Variants in RYR1 observed in about 807,000 individuals in gnomAD.
RYR1 encodes central core disease of muscle.
Under a neutral mutation model 583.5 loss-of-function variants are expected in RYR1, and 342 were observed. The observed-to-expected ratio is 0.59, with a 90% CI of 0.54 to 0.64. The LOEUF is 0.64. RYR1 is among the 30% of genes least tolerant of loss of function. The pLI is 0.00. For synonymous variants in RYR1, 2,791 were observed against 2,822.5 expected, an observed-to-expected ratio of 0.99 and a Z score of 0.35; for missense variants, 6,032 against 6,917.2, an observed-to-expected ratio of 0.87 and a Z score of 4.54.
In RYR1 at chr19:38,464,663, C is replaced by T. The variant is rs749702969; in HGVS notation, c.2811C>T (p.His937=). The change falls in exon 23 of 106, where the codon CAC becomes CAT. Residue 937 remains histidine, a synonymous_variant. Coordinates refer to ENST00000359596, the MANE Select transcript of RYR1 (RefSeq NM_000540.3). The part of the protein sequence containing the change: ...TLKTLLALGC[H]VGMADEKAED... ...GGACTCTGCTGGCTCTGGGCTGCCACGTGGGCATGGCGGATGAGAAGGCGG... is the reference window on the plus strand; with the variant it reads ...GGACTCTGCTGGCTCTGGGCTGCCATGTGGGCATGGCGGATGAGAAGGCGG... 1.2e-5 allele frequency: 19 copies of T among 1,592,196 alleles called. 1 individual carries two copies. The South Asian group carries it at 1.6e-4, about 13-fold the overall frequency.
At chr19:38,529,326 A>G (rs540376808) in intron 76 of RYR1, among the ~76,000 whole-genome samples, 1 of 152,312 alleles carries the variant, frequency 6.6e-6, no homozygotes, top group South Asian at 2.1e-4. Context: ...ACAAAAATAC[A>G]ATAAATAGCC....
In RYR1 at chr19:38,514,899, A is replaced by G. The variant is rs114618055; in HGVS notation, c.9473-127A>G. 885 of 710,940 alleles carry G rather than the reference A, an allele frequency of 1.2e-3. 9 individuals are homozygous for G. In the African/African-American group the frequency reaches 0.013, roughly 11 times the overall value. The allele number at this position is 710,940 out of a possible 1,614,324, so 44.0% of individuals were successfully genotyped here. Reference sequence around the variant, plus strand: ...CTTGCTCAAGTCACAAGACTCGTACATGGAAGGCTGGCTGTACATCTGCTT... The same window carrying G: ...CTTGCTCAAGTCACAAGACTCGTACGTGGAAGGCTGGCTGTACATCTGCTT... On this transcript the variant is annotated intron_variant, in intron 63 of 105. Transcript: ENST00000359596.
chr19:38,520,071 C>CT (rs571307849), intron 67 of RYR1, among the ~76,000 whole-genome samples: 4,581 of 112,216 alleles, frequency 0.041, 286 homozygotes, highest in African/African-American at 0.12. Flanking sequence ...GAATAGTTTG[C>CT]TTTTTTTTTT....
chr19:38,580,316 G>A, intron 100 of RYR1, 54 bp from the exon 101 acceptor site: 12 of 1,584,614 alleles, frequency 7.6e-6, no homozygotes, highest in Non-Finnish European at 9.5e-6. Context: ...CATGGGCAGG[G>A]TGGGGGGAGG....
At chr19:38,517,296 G>A in intron 65 of RYR1, 63 bp from the exon 66 acceptor site, 1 of 1,542,338 alleles carries the variant, frequency 6.5e-7, no homozygotes, top group Non-Finnish European at 8.8e-7. Flanking sequence ...TGCGGGGGAG[G>A]CCAGGGCACT....
In RYR1 at chr19:38,502,689, G is replaced by A. The variant is rs151309597; in HGVS notation, c.7797G>A (p.Gln2599=). Residue 2599 remains glutamine (Q), a synonymous_variant, in exon 48 of 106, where the codon CAG becomes CAA. Coordinates refer to ENST00000359596, the MANE Select transcript of RYR1 (RefSeq NM_000540.3). ...GGGGTCGTTCGCTCACCAAGGCGCAGCGTGACGTCATCGAGGACTGCCTCA... is the reference window on the plus strand; with the variant it reads ...GGGGTCGTTCGCTCACCAAGGCGCAACGTGACGTCATCGAGGACTGCCTCA... The part of the protein sequence containing the change: ...LSRGRSLTKA[Q]RDVIEDCLMS... 1.3e-4 allele frequency: 208 copies of A among 1,608,114 alleles called. No individual in the cohort carries two copies. The highest frequency in any genetic ancestry group is 1.6e-4 in the Middle Eastern group (1 of 6,078).
Position 38,580,516 on chromosome 19 carries a change from C to T in RYR1, c.14646+12C>T, listed in dbSNP as rs771719180. 2 of 1,613,988 alleles carry T rather than the reference C, an allele frequency of 1.2e-6. No individual in the cohort carries two copies. Among genetic ancestry groups the T allele is most frequent in the African/African-American group, 1.3e-5 (1 of 75,008 alleles). On this transcript the variant is annotated intron_variant, in intron 101 of 105. Transcript: ENST00000359596. ...ATGACATGATGACGGTGAGCCCCTC[C>T]CCTAGCACTCTGGGACCCTTCCTTC...
At chr19:38,449,868 C>T (rs1966987645) in intron 11 of RYR1, among the ~76,000 whole-genome samples, 1 of 152,056 alleles carries the variant, frequency 6.6e-6, no homozygotes, top group African/African-American at 2.4e-5. Context: ...GCCTTGTGGG[C>T]CATGGGAGAG....
intron 89 of RYR1, among the ~76,000 whole-genome samples, chr19:38,557,808 A>T (rs1436569962): frequency 6.6e-6 from 1 of 151,300 alleles, no homozygotes; most frequent in East Asian, 1.9e-4. Flanking sequence ...CTGTCTCAAA[A>T]AAAAGAAATA....
At chr19:38,547,533 C>A (rs1346979318) in intron 88 of RYR1, among the ~76,000 whole-genome samples, 1 of 151,916 alleles carries the variant, frequency 6.6e-6, no homozygotes, top group Non-Finnish European at 1.5e-5. Context: ...GTTGTGTAAG[C>A]CCTGAGGTCA....
intron 57 of RYR1, 21 bp from the exon 58 acceptor site, chr19:38,507,691 T>C: frequency 6.8e-7 from 1 of 1,479,706 alleles, no homozygotes; most frequent in Non-Finnish European, 9.5e-7. Flanking sequence ...GGCTGATCCT[T>C]CTCTCCACAT....
intron 37 of RYR1, 54 bp downstream of exon 37, chr19:38,490,786 C>T (rs1158046406): frequency 8.6e-7 from 1 of 1,169,078 alleles, no homozygotes; most frequent in East Asian, 2.3e-5. Flanking sequence ...CTCGAGACCT[C>T]TCCAGAAGTT....
intron 94 of RYR1, 40 bp downstream of exon 94, chr19:38,570,733 C>A (rs760171403): frequency 1.3e-6 from 2 of 1,512,948 alleles, no homozygotes; most frequent in Non-Finnish European, 1.8e-6. Context: ...GGCCCTTTTC[C>A]ATGCTGTGGG....
Position 38,502,741 on chromosome 19 carries a change from G to C in RYR1, c.7835+14G>C, listed in dbSNP as rs752999387. 3.2e-6 allele frequency: 5 copies of C among 1,579,424 alleles called. No individual in the cohort carries two copies. Among genetic ancestry groups the C allele is most frequent in the East Asian group, 2.3e-5 (1 of 43,904 alleles). ...GTCGCTCTGCAGGTGGAGCGGGGCA[G>C]GCTTCAGGGTGGGGCAGGGGCAGGG... is the stretch of plus-strand genomic sequence containing the variant. On this transcript the variant is annotated intron_variant, in intron 48 of 105. Transcript: ENST00000359596.
At position 38,561,049 on chromosome 19, in the gene RYR1, AAAAAAAAAGAG is replaced by A; in HGVS notation, c.12283-62_12283-52del. On this transcript the variant is annotated intron_variant, in intron 89 of 105. Transcript: ENST00000359596. This position sits in a 1 kb window ranked among gnomAD's most constrained non-coding sequence, Gnocchi z 4.8. The stretch of plus-strand genomic sequence containing the variant: ...CAGCGAGACCTTGTCTTAAAAAAAA[AAAAAAAAAGAG>A]AGAGAATTGAGGCTCTCCAGGTCAC... 1 of 1,443,144 alleles carries A rather than the reference AAAAAAAAAGAG, an allele frequency of 6.9e-7. No individual in the cohort carries two copies. 89.4% of individuals were successfully genotyped at this position (1,443,144 alleles called of 1,614,324 possible).
At chr19:38,533,991 T>C (rs1362972447) in intron 78 of RYR1, among the ~76,000 whole-genome samples, 2 of 150,942 alleles carry the variant, frequency 1.3e-5, no homozygotes, top group Non-Finnish European at 2.9e-5. Context: ...TAATGTGATA[T>C]GGAACCATCT....
chr19:38,565,129 GGGCGCGGCGGAGGCGGGCGCGGAA>G lies in RYR1; in HGVS notation c.12803_12826del (p.Ala4268_Ala4275del). 2.0e-6 allele frequency: 3 copies of G among 1,531,768 alleles called. No homozygotes were observed. The highest frequency in any genetic ancestry group is 1.2e-5 in the South Asian group (1 of 83,848). The allele number at this position is 1,531,768 out of a possible 1,614,324, so 94.9% of individuals were successfully genotyped here. A position where few individuals can be genotyped will look rare whatever the true frequency, so the allele number is the denominator to read the frequency against. The stretch of plus-strand genomic sequence containing the variant: ...CGGAGACCGACGAGGACGAGGGCGC[GGGCGCGGCGGAGGCGGGCGCGGAA>G]GGCGCGGAGGAGGGCGCGGCGGGGC... On this transcript the variant is annotated inframe_deletion, in exon 91 of 106. Transcript: ENST00000359596. The surrounding 1 kb of genome is among the most constrained non-coding windows in gnomAD (Gnocchi z 4.7).
At chr19:38,585,394 TTATATATATATGTGTTTATATA>T (rs1974434198) in intron 102 of RYR1, among the ~76,000 whole-genome samples, 1 of 145,466 alleles carries the variant, frequency 6.9e-6, no homozygotes, top group Non-Finnish European at 1.5e-5. Flanking sequence ...ATATGTTTAT[TTATATATATATGTGTTTATATA>T]TATTTATATA....
chr19:38,462,330 A>G (rs1247101295), intron 20 of RYR1, among the ~76,000 whole-genome samples: 2 of 152,120 alleles, frequency 1.3e-5, no homozygotes, highest in Non-Finnish European at 2.9e-5. Flanking sequence ...AACAGTAAGC[A>G]CTCAAGACAG....
Sources: gnomAD v4.1 joint callset for allele counts (sites outside exome capture counted in the v4.1 genomes callset) on GRCh38, gnomAD v4.1.1 for gene constraint, Gnocchi (gnomAD v3.1) non-coding constraint, MANE v1.5 for transcripts, NCBI Gene and HGNC (gene_info 2026-07-23, HGNC 2026-07-21) for gene names.